The following GTPBP6 variants were observed in gnomAD, a reference collection of about 807,000 sequenced individuals.
The protein encoded by GTPBP6 is GTP binding protein 6.
Under a neutral mutation model 28.9 loss-of-function variants are expected in GTPBP6, and 33 were observed. The ratio of observed to expected loss-of-function variants is 1.14; its 90% CI spans 0.87 to 1.53. The LOEUF is 1.53. GTPBP6 is among the 40% of genes most tolerant of loss of function. The pLI, the probability that GTPBP6 is intolerant of heterozygous loss-of-function variation, is 0.00. For synonymous variants in GTPBP6, 231 were observed against 192.7 expected (o/e 1.20, Z -1.65); for missense variants, 507 against 408.3 (o/e 1.24, Z -2.08).
intron 1 of GTPBP6, 31 bp downstream of exon 1, chrX:318,408 G>C (rs1194660293): frequency 5.6e-5 from 22 of 395,434 alleles, no homozygotes; most frequent in Admixed American, 2.2e-4. Context: ...TCCAGCTCCT[G>C]TTTCTCCCCC....
Position 312,893 on chromosome X carries a change from G to A in GTPBP6, c.789C>T (p.Leu263=), listed in dbSNP as rs781651926. Reference sequence around the variant, plus strand: ...TGATCTTGGCCTCCTTCTCTCTCAGGAGACGCTGCTGCAGCTGCATGAAGG... The same window carrying A: ...TGATCTTGGCCTCCTTCTCTCTCAGAAGACGCTGCTGCAGCTGCATGAAGG... The change falls in exon 6 of 10, where the codon CTC becomes CTT. Residue 263 remains leucine (L), a synonymous_variant. Transcript: ENST00000326153. 5.6e-6 allele frequency: 9 copies of A among 1,612,674 alleles called. 1 individual carries two copies. Among genetic ancestry groups the A allele is most frequent in the Admixed American group, 5.0e-5 (3 of 59,952 alleles).
At chrX:314,128 C>T (rs377229037) in intron 5 of GTPBP6, 22 bp downstream of exon 5, 209 of 1,597,736 alleles carry the variant, frequency 1.3e-4, no homozygotes, top group African/African-American at 6.2e-4. Flanking sequence ...CCCTCTGGGA[C>T]GCCGCGCCCG....
At chrX:314,274 A>T (rs1215971384) in intron 4 of GTPBP6, 57 bp from the exon 5 acceptor site, 1 of 1,434,052 alleles carries the variant, frequency 7.0e-7, no homozygotes, top group Non-Finnish European at 9.8e-7. Context: ...CTCCCGGCAG[A>T]GGTCGAGGTG....
chrX:305,691 C>A (rs56303911), intron 9 of GTPBP6, among the ~76,000 whole-genome samples: 3,865 of 148,854 alleles, frequency 0.026, 323 homozygotes, highest in African/African-American at 0.092. Flanking sequence ...GTGGCACGAT[C>A]TTGGCTCACT....
intron 9 of GTPBP6, 108 bp from the exon 10 acceptor site, chrX:305,305 G>C (rs1261189093): frequency 1.6e-5 from 13 of 834,510 alleles, no homozygotes; most frequent in African/African-American, 3.5e-5. Flanking sequence ...CCATTCATCA[G>C]ACCGTCCTGT....
At chrX:312,908 C>T (rs1255954248) in exon 6 of GTPBP6, 2 of 1,612,318 alleles carry the variant, frequency 1.2e-6, no homozygotes, top group Non-Finnish European at 1.7e-6. Flanking sequence ...GCTGCTGCAG[C>T]TGCATGAAGG....
chrX:305,915 C>A (rs1336709746), intron 9 of GTPBP6, among the ~76,000 whole-genome samples: 1 of 152,126 alleles, frequency 6.6e-6, no homozygotes, highest in Admixed American at 6.5e-5. Flanking sequence ...TGAGCCACCC[C>A]ACCTGGGGTG....
chrX:309,445 G>A (rs1450979314), intron 7 of GTPBP6, among the ~76,000 whole-genome samples: 12 of 150,528 alleles, frequency 8.0e-5, no homozygotes, highest in Admixed American at 1.4e-4. Flanking sequence ...TAAATCCAAC[G>A]ACCGACCGGT....
chrX:315,610 GACACAGAC>G (rs2070417784), intron 2 of GTPBP6, among the ~76,000 whole-genome samples: 1 of 142,014 alleles, frequency 7.0e-6, no homozygotes, highest in Non-Finnish European at 1.5e-5. Flanking sequence ...GACAGGGACA[GACACAGAC>G]ACACAGACAG....
chrX:314,800 C>G (rs1415935314), intron 4 of GTPBP6, 90 bp downstream of exon 4: 2 of 410,318 alleles, frequency 4.9e-6, no homozygotes, highest in Non-Finnish European at 8.6e-6. Flanking sequence ...CTTCCTCACG[C>G]ACCCCCAGAA....
exon 10 of GTPBP6, chrX:304,972 G>T: frequency 1.3e-6 from 2 of 1,526,100 alleles, no homozygotes; most frequent in South Asian, 1.2e-5. Flanking sequence ...AGACAAGGAG[G>T]ACCCTGCTGC....
intron 7 of GTPBP6, among the ~76,000 whole-genome samples, 174 bp downstream of exon 7, chrX:311,245 G>A (rs1284823000): frequency 1.6e-4 from 13 of 79,798 alleles, no homozygotes; most frequent in Non-Finnish European, 2.7e-4. Flanking sequence ...CCTGGTCCCC[G>A]TGCCCAGTGG....
rs186707630 is a variant in GTPBP6 at position 312,613 on chromosome X, G to A, written c.916+153C>T. The A allele has an allele frequency of 7.6e-4, 606 of 795,524 alleles. 2 individuals carry two copies. In the African/African-American group the frequency reaches 9.5e-3, roughly 12 times the overall value. 49.3% of individuals were successfully genotyped at this position (795,524 alleles called of 1,614,324 possible). The stretch of plus-strand genomic sequence containing the variant: ...TCACAGCAGCTGGTGTACCCCACAC[G>A]GCGACCATGGGAACCCCCTCTCCTG... On this transcript the variant is annotated intron_variant, in intron 6 of 9. Transcript: ENST00000326153.
chrX:307,633 C>T (rs2070199776), intron 8 of GTPBP6, 99 bp downstream of exon 8: 3 of 1,419,126 alleles, frequency 2.1e-6, no homozygotes, highest in Non-Finnish European at 1.9e-6. Flanking sequence ...GTCCTGACTG[C>T]CACCGCTGCG....
chrX:309,712 G>C (rs2070245585), intron 7 of GTPBP6, among the ~76,000 whole-genome samples: 3 of 148,128 alleles, frequency 2.0e-5, no homozygotes, highest in East Asian at 2.0e-4. Context: ...AGGCAGGAAG[G>C]ACCCTCACCT....
rs769415565 is a variant in GTPBP6, at chrX:312,942, T to C, written c.758-18A>G. On this transcript the variant is annotated intron_variant, in intron 5 of 9. Coordinates refer to ENST00000326153, the Ensembl canonical transcript of GTPBP6. The stretch of plus-strand genomic sequence containing the variant: ...GGATTCTCCTAAAAGACACCCGAGA[T>C]GGTGAGGCGGTGAGCCACGCCGGGA... 1.2e-6 allele frequency: 2 copies of C among 1,604,214 alleles called. No homozygotes were observed. The highest frequency in any genetic ancestry group is 2.2e-5 in the East Asian group (1 of 44,712).
chrX:314,669 G>A (rs1242919766), intron 4 of GTPBP6, among the ~76,000 whole-genome samples: 1 of 151,968 alleles, frequency 6.6e-6, no homozygotes, highest in Non-Finnish European at 1.5e-5. Flanking sequence ...GTACAGACGG[G>A]GTTTCACCGT....
rs1429614936 is a variant in GTPBP6, at chrX:317,367, G to C, written c.350-316C>G. Reference sequence around the variant, plus strand: ...ACTGAGGAACCACCGGCAGGTTTGGGGAGTAGAGAGGCAAGAGGTCTGCGC... The same window carrying C: ...ACTGAGGAACCACCGGCAGGTTTGGCGAGTAGAGAGGCAAGAGGTCTGCGC... On this transcript the variant is annotated intron_variant, in intron 1 of 9. Transcript: ENST00000326153. 9.9e-3 allele frequency among the ~76,000 whole-genome samples: 1,509 copies of C among 152,168 alleles called. 13 individuals carry two copies. Among genetic ancestry groups the C allele is most frequent in the Non-Finnish European group, 0.017 (1,126 of 67,982 alleles).
chrX:310,653 C>CA (rs1327914058), intron 7 of GTPBP6, among the ~76,000 whole-genome samples: 2 of 151,134 alleles, frequency 1.3e-5, no homozygotes, highest in African/African-American at 4.9e-5. Flanking sequence ...AGGCCACAGA[C>CA]AGAGGCAGAG....
Sources: allele counts gnomAD v4.1 joint callset (sites outside exome capture counted in the v4.1 genomes callset), GRCh38; gene constraint gnomAD v4.1.1; transcripts MANE v1.5; gene names NCBI Gene and HGNC (gene_info 2026-07-23, HGNC 2026-07-21).